Variants in RGS6 observed in about 807,000 individuals in gnomAD.
RGS6 encodes regulator of G protein signaling 6, also known as regulator of G-protein signaling 6.
A neutral mutation model predicts 78.5 loss-of-function variants in RGS6; 30 were observed. The ratio of observed to expected loss-of-function variants is 0.38; its 90% CI spans 0.29 to 0.52. The LOEUF is 0.52. Ranked by LOEUF, RGS6 falls within the 20% of genes least tolerant of loss-of-function variation. The probability of loss-of-function intolerance (pLI) is 0.85; values close to 1 mark genes in which losing one functional copy is unlikely to be tolerated. For synonymous variants in RGS6, 206 were observed against 206.0 expected (o/e 1.00, Z 0.00); for missense variants, 495 against 609.7 (o/e 0.81, Z 1.98).
At chr14:72,080,646 T>C (rs941540351) in intron 2 of RGS6, among the ~76,000 whole-genome samples, 3 of 152,138 alleles carry the variant, frequency 2.0e-5, no homozygotes, top group African/African-American at 2.4e-5. Context: ...AATTTTACAG[T>C]TTCGAATCTT....
chr14:72,627,207 A>G, the RGS6 span, among the ~76,000 whole-genome samples: 1 of 152,076 alleles, frequency 6.6e-6, no homozygotes, highest in Admixed American at 6.5e-5. Flanking sequence ...TTTGAGTCAC[A>G]GTTTGAAAAC....
chr14:72,018,906 TAAA>T (rs1318851420), intron 2 of RGS6, among the ~76,000 whole-genome samples: 1 of 152,198 alleles, frequency 6.6e-6, no homozygotes, highest in Admixed American at 6.5e-5. Flanking sequence ...GCTATGAATT[TAAA>T]AATATATATA....
At chr14:71,937,492 G>T (rs907836994) in intron 1 of RGS6, among the ~76,000 whole-genome samples, 1 of 152,116 alleles carries the variant, frequency 6.6e-6, no homozygotes, top group Non-Finnish European at 1.5e-5. Context: ...GGAGAACTCT[G>T]CCCCAGCCCT....
the RGS6 span, among the ~76,000 whole-genome samples, chr14:71,888,637 A>G: frequency 1.8e-4 from 27 of 151,762 alleles, no homozygotes; most frequent in African/African-American, 6.5e-4. Context: ...GGCTTGGCAT[A>G]GGTAGGATTT....
At chr14:72,323,132 G>A (rs1156613225) in intron 2 of RGS6, among the ~76,000 whole-genome samples, 1 of 152,078 alleles carries the variant, frequency 6.6e-6, no homozygotes, top group Non-Finnish European at 1.5e-5. Context: ...ATTATGTACT[G>A]TAAAACACAA....
At chr14:71,903,338 C>T in the RGS6 span, among the ~76,000 whole-genome samples, 4 of 152,228 alleles carry the variant, frequency 2.6e-5, no homozygotes, top group East Asian at 1.9e-4. Flanking sequence ...CAGTACTCTG[C>T]ACATGGTAAG....
intron 3 of RGS6, among the ~76,000 whole-genome samples, chr14:72,383,251 G>A (rs549324454): frequency 7.3e-6 from 1 of 136,880 alleles, no homozygotes; most frequent in Non-Finnish European, 1.6e-5. Flanking sequence ...GATGGGAGAG[G>A]GAGAAAGATT....
At chr14:72,353,858 C>T (rs2152747394) in intron 3 of RGS6, among the ~76,000 whole-genome samples, 1 of 152,146 alleles carries the variant, frequency 6.6e-6, no homozygotes, top group South Asian at 2.1e-4. Context: ...GTGGTGCGTG[C>T]CTGTAGTCCC....
intron 3 of RGS6, among the ~76,000 whole-genome samples, chr14:72,415,582 C>A (rs1322915887): frequency 1.3e-5 from 2 of 152,244 alleles, no homozygotes; most frequent in African/African-American, 4.8e-5. Flanking sequence ...GTGAGATGAA[C>A]CCGGTACCTC....
At chr14:72,425,085 C>G (rs10136417) in intron 3 of RGS6, among the ~76,000 whole-genome samples, 4,491 of 152,154 alleles carry the variant, frequency 0.03, 253 homozygotes, top group African/African-American at 0.1. Context: ...GGCAATATTG[C>G]GAGCATAATA....
intron 2 of RGS6, among the ~76,000 whole-genome samples, chr14:72,033,682 A>G (rs1596364348): frequency 6.6e-6 from 1 of 152,352 alleles, no homozygotes; most frequent in East Asian, 1.9e-4. Flanking sequence ...TGCTGAATAC[A>G]TATCACATTC....
At chr14:72,408,123 T>C (rs1207281739) in intron 3 of RGS6, among the ~76,000 whole-genome samples, 2 of 152,190 alleles carry the variant, frequency 1.3e-5, no homozygotes, top group Non-Finnish European at 2.9e-5. Context: ...ACACTTACTA[T>C]TTAAAGGAAA....
chr14:72,576,875 C>T, the RGS6 span, among the ~76,000 whole-genome samples: 1 of 152,312 alleles, frequency 6.6e-6, no homozygotes, highest in Non-Finnish European at 1.5e-5. Flanking sequence ...CATCTGGGCT[C>T]CAGTTTGACA....
chr14:72,155,689 G>C (rs568074821), intron 2 of RGS6, among the ~76,000 whole-genome samples: 1 of 152,352 alleles, frequency 6.6e-6, no homozygotes, highest in East Asian at 1.9e-4. Flanking sequence ...TTAAAAATAT[G>C]ACATGAAGCT....
Position 72,329,500 on chromosome 14 carries a change from C to T in RGS6, c.85-22595C>T, listed in dbSNP as rs557170013. The stretch of plus-strand genomic sequence containing the variant: ...GTGGCCAAGGTCCACACCACATCCT[C>T]CCAGGTGGGCACTGTCCTGAGTAGG... On this transcript the variant is annotated intron_variant, in intron 2 of 17. Coordinates refer to ENST00000553525, the MANE Select transcript of RGS6 (RefSeq NM_001204424.2). Among the ~76,000 whole-genome samples the T allele has an allele frequency of 1.5e-4, 23 of 152,356 alleles. No individual in the cohort carries two copies. The East Asian group carries it at 3.9e-3, about 26-fold the overall frequency.
chr14:72,490,068 A>T (rs2096557484), intron 12 of RGS6, among the ~76,000 whole-genome samples: 1 of 152,080 alleles, frequency 6.6e-6, no homozygotes, highest in Admixed American at 6.5e-5. Flanking sequence ...GATGTCGTAA[A>T]GCTCTTGATA....
At chr14:72,402,790 G>GTTTTTTTTTTTTTT (rs1167831473) in intron 3 of RGS6, among the ~76,000 whole-genome samples, 10 of 75,798 alleles carry the variant, frequency 1.3e-4, no homozygotes, top group African/African-American at 1.7e-4. Context: ...TGTTTTTTTG[G>GTTTTTTTTTTTTTT]TTTTTTTTTT....
intron 12 of RGS6, among the ~76,000 whole-genome samples, chr14:72,494,874 A>G (rs2096624150): frequency 6.6e-6 from 1 of 152,148 alleles, no homozygotes; most frequent in Non-Finnish European, 1.5e-5. Context: ...ATAACCAGGG[A>G]GAGATGCACC....
chr14:72,315,823 C>T (rs1312839744), intron 2 of RGS6, among the ~76,000 whole-genome samples: 1 of 152,186 alleles, frequency 6.6e-6, no homozygotes, highest in Non-Finnish European at 1.5e-5. Context: ...GACCTTTCAC[C>T]ACTTATTTAC....
Sources: gnomAD v4.1 joint callset for allele counts (sites outside exome capture counted in the v4.1 genomes callset) on GRCh38, gnomAD v4.1.1 for gene constraint, MANE v1.5 for transcripts, NCBI Gene and HGNC (gene_info 2026-07-23, HGNC 2026-07-21) for gene names.